FCRL3: variants seen among roughly 807,000 people sequenced by gnomAD.
FCRL3 encodes the protein Fc receptor like 3, also known as Fc receptor-like protein 3.
FCRL3 carries 89 observed loss-of-function variants against 75.0 expected under a neutral mutation model. The ratio of observed to expected loss-of-function variants is 1.19; its 90% CI spans 1.00 to 1.42. The LOEUF is 1.42. Among genes scored for constraint, FCRL3 ranks in the 40% most tolerant of loss-of-function variants. FCRL3 has a pLI of 0.00. For synonymous variants in FCRL3, 376 were observed against 348.5 expected (o/e 1.08, Z -0.88); for missense variants, 946 against 880.0 (o/e 1.07, Z -0.95).
rs532700502 is a variant in FCRL3 at position 157,676,534 on chromosome 1, T to A, written c.*2176A>T. ...AAGGCTCCACTAAAATTACTTTTTT[T>A]AGATTTCTGGGCTATGGGTTTTTAG... On this transcript the variant is annotated 3_prime_UTR_variant, in exon 15 of 15. Coordinates refer to ENST00000368184, the MANE Select transcript of FCRL3 (RefSeq NM_052939.4). 1.8e-6 allele frequency: 1 copy of A among 565,858 alleles called. No individual in the cohort carries two copies. Among genetic ancestry groups the A allele is most frequent in the African/African-American group, 1.9e-5 (1 of 53,418 alleles). The allele number at this position is 565,858 out of a possible 1,614,324, so 35.1% of individuals were successfully genotyped here. A position where few individuals can be genotyped will look rare whatever the true frequency, so the allele number is the denominator to read the frequency against.
intron 10 of FCRL3, among the ~76,000 whole-genome samples, chr1:157,689,012 C>T (rs1268170744): frequency 1.3e-5 from 2 of 152,050 alleles, no homozygotes; most frequent in Non-Finnish European, 2.9e-5. Context: ...GGACTTCCTC[C>T]ACCAGATAAA....
intron 8 of FCRL3, 82 bp from the exon 9 acceptor site, chr1:157,690,615 T>C (rs1262118044): frequency 1.3e-6 from 2 of 1,521,296 alleles, no homozygotes; most frequent in South Asian, 1.3e-5. Context: ...TGCAGCATAG[T>C]TGAGTTGCGG....
Position 157,677,052 on chromosome 1 carries a change from G to T in FCRL3, c.*1658C>A, listed in dbSNP as rs1191555415. The T allele has an allele frequency of 8.3e-7, 1 of 1,204,300 alleles. No individual in the cohort carries two copies. Among genetic ancestry groups the T allele is most frequent in the Non-Finnish European group, 1.0e-6 (1 of 955,874 alleles). 74.6% of individuals were successfully genotyped at this position (1,204,300 alleles called of 1,614,324 possible). ...GCCAATATGAACATGAACTGGCAGAGATCAGCATCTCAGTACGGGCAGGAC... is the reference window on the plus strand; with the variant it reads ...GCCAATATGAACATGAACTGGCAGATATCAGCATCTCAGTACGGGCAGGAC... On this transcript the variant is annotated 3_prime_UTR_variant, in exon 15 of 15. Coordinates refer to ENST00000368184, the MANE Select transcript of FCRL3 (RefSeq NM_052939.4).
chr1:157,689,273 C>A (rs540811632), intron 10 of FCRL3, among the ~76,000 whole-genome samples: 1 of 152,084 alleles, frequency 6.6e-6, no homozygotes, highest in African/African-American at 2.4e-5. Flanking sequence ...ATGAAATCTG[C>A]AAAAGAGATA....
intron 12 of FCRL3, 76 bp from the exon 13 acceptor site, chr1:157,680,846 A>T (rs1209660863): frequency 1.6e-5 from 24 of 1,494,312 alleles, no homozygotes; most frequent in Non-Finnish European, 2.2e-5. Flanking sequence ...CACCAAATTC[A>T]TAACCAACTT....
intron 13 of FCRL3, among the ~76,000 whole-genome samples, chr1:157,679,378 G>A (rs1471005220): frequency 6.6e-6 from 1 of 152,162 alleles, no homozygotes; most frequent in Non-Finnish European, 1.5e-5. Context: ...CTGGGAGAAG[G>A]AGGCAGATAT....
intron 13 of FCRL3, 132 bp from the exon 14 acceptor site, chr1:157,679,105 C>T: frequency 1.0e-6 from 1 of 995,754 alleles, no homozygotes; most frequent in Non-Finnish European, 1.5e-6. Context: ...CTGCTGGATT[C>T]TTCCAAACCC....
intron 11 of FCRL3, among the ~76,000 whole-genome samples, chr1:157,681,659 T>C (rs1320298487): frequency 1.3e-5 from 2 of 152,152 alleles, no homozygotes; most frequent in Non-Finnish European, 2.9e-5. Context: ...ACATTTGGGT[T>C]GGTTCCAAGT....
chr1:157,692,664 T>TACATTTAATGTA (rs1198404321), intron 8 of FCRL3, among the ~76,000 whole-genome samples: 2 of 152,244 alleles, frequency 1.3e-5, no homozygotes, highest in Non-Finnish European at 2.9e-5. Flanking sequence ...AAAGATACGT[T>TACATTTAATGTA]ACGTGTTTTT....
Position 157,699,675 on chromosome 1 carries a change from G to A in FCRL3, c.52+17C>T. ...AATATCCAGAGACCAGAGGGGCAGA[G>A]AGAAGGAGAAACTTACCTGATTGTT... On this transcript the variant is annotated intron_variant, in intron 3 of 14. Transcript: ENST00000368184. 1 of 1,613,556 alleles carries A rather than the reference G, an allele frequency of 6.2e-7. No individual in the cohort carries two copies. The highest frequency in any genetic ancestry group is 1.7e-4 in the Middle Eastern group (1 of 6,020).
intron 2 of FCRL3, 100 bp downstream of exon 2, chr1:157,700,359 T>C (rs994402402): frequency 6.3e-7 from 1 of 1,577,870 alleles, no homozygotes; most frequent in African/African-American, 1.4e-5. Flanking sequence ...GCTATCTGTC[T>C]CTGAACCCCA....
At chr1:157,693,083 C>T (rs931523430) in intron 8 of FCRL3, among the ~76,000 whole-genome samples, 1 of 151,778 alleles carries the variant, frequency 6.6e-6, no homozygotes, top group Non-Finnish European at 1.5e-5. Context: ...CGAGACCAGC[C>T]TGGGCAACAT....
At position 157,697,287 on chromosome 1, in the gene FCRL3, G is replaced by C. The variant is rs776173025; in HGVS notation, c.697C>G (p.Gln233Glu). The stretch of plus-strand genomic sequence containing the variant: ...CTGCTCCAGCCCAATCCGAGGGTCT[G>C]GCTATCTCTGAAGAGGGAGAATTGC... ...QLQFSLFRDS[Q>E]TLGLGWSRSP... Residue 233 changes from glutamine to glutamate, a missense_variant, in exon 6 of 15, where the codon CAG (glutamine) becomes GAG (glutamate). By Grantham distance (29) the Gln-to-Glu change is conservative. Transcript: ENST00000368184. 5 of 1,612,682 alleles carry C rather than the reference G, an allele frequency of 3.1e-6. 1 individual carries two copies. In the South Asian group the frequency reaches 5.5e-5, roughly 18 times the overall value.
chr1:157,690,577 G>T (rs781521809), intron 8 of FCRL3, 44 bp from the exon 9 acceptor site: 3 of 1,599,326 alleles, frequency 1.9e-6, no homozygotes, highest in Admixed American at 1.7e-5. Flanking sequence ...ACTTAAGTAG[G>T]TATACAAGAG....
rs887329758 is a variant in FCRL3 at position 157,677,952 on chromosome 1, G to T, written c.*758C>A. The T allele has an allele frequency of 2.3e-5, 23 of 984,944 alleles. No homozygotes were observed. In the African/African-American group the frequency reaches 4.0e-4, roughly 17 times the overall value. The allele number at this position is 984,944 out of a possible 1,614,324, so 61.0% of individuals were successfully genotyped here. ...TAGGTTATTGTCTCGGGGTTAATGG[G>T]TGCTTATAAGAATAAAACTGACTGA... is the stretch of plus-strand genomic sequence containing the variant. On this transcript the variant is annotated 3_prime_UTR_variant, in exon 15 of 15. Coordinates refer to ENST00000368184, the MANE Select transcript of FCRL3 (RefSeq NM_052939.4).
In FCRL3 at chr1:157,678,506, C is replaced by A; in HGVS notation, c.*204G>T. The A allele has an allele frequency of 2.1e-6, 3 of 1,417,454 alleles. No homozygotes were observed. The highest frequency in any genetic ancestry group is 2.8e-6 in the Non-Finnish European group (3 of 1,089,188). The allele number at this position is 1,417,454 out of a possible 1,614,324, so 87.8% of individuals were successfully genotyped here. ...TCTCCACTGTGAAAATAACACAGTG[C>A]TTGCTCAGAGGCTGCCTGCTCTCTT... On this transcript the variant is annotated 3_prime_UTR_variant, in exon 15 of 15. Transcript: ENST00000368184.
intron 4 of FCRL3, 120 bp downstream of exon 4, chr1:157,698,263 TG>T: frequency 8.4e-7 from 1 of 1,188,198 alleles, no homozygotes. Flanking sequence ...TTTTCCCCAC[TG>T]GGGTCAGTGC....
In FCRL3 at chr1:157,700,722, C is replaced by T. The variant is rs1656263723; in HGVS notation, c.-157G>A. ...TGATACATTTTTAGAAGTTGGGGCT[C>T]ATCTTCCATCAGCTGCAGTCTCTCA... is the stretch of plus-strand genomic sequence containing the variant. On this transcript the variant is annotated 5_prime_UTR_variant, in exon 1 of 15. The change abolishes an upstream ATG in the 5' untranslated region. Transcript: ENST00000368184. 7.1e-7 allele frequency: 1 copy of T among 1,412,122 alleles called. No homozygotes were observed. Among genetic ancestry groups the T allele is most frequent in the African/African-American group, 1.4e-5 (1 of 68,974 alleles). 87.5% of individuals were successfully genotyped at this position (1,412,122 alleles called of 1,614,324 possible).
chr1:157,699,006 G>A (rs1656144703), intron 3 of FCRL3, among the ~76,000 whole-genome samples: 1 of 152,200 alleles, frequency 6.6e-6, no homozygotes, highest in Non-Finnish European at 1.5e-5. Context: ...ATATACCTCA[G>A]AAGTAGTTTC....
Sources: gnomAD v4.1 joint callset for allele counts (sites outside exome capture counted in the v4.1 genomes callset) on GRCh38, gnomAD v4.1.1 for gene constraint, MANE v1.5 for transcripts, NCBI Gene and HGNC (gene_info 2026-07-23, HGNC 2026-07-21) for gene names.